KRT7: variants seen among roughly 807,000 people sequenced by gnomAD.
KRT7 encodes keratin, type II cytoskeletal 7.
Under a neutral mutation model 42.8 loss-of-function variants are expected in KRT7, and 50 were observed. The ratio of observed to expected loss-of-function variants is 1.17; its 90% CI spans 0.93 to 1.48. The LOEUF is 1.48. Ranked by LOEUF, KRT7 falls within the 40% of genes most tolerant of loss-of-function variation. KRT7 has a pLI of 0.00. For synonymous variants in KRT7, 268 were observed against 266.3 expected, an observed-to-expected ratio of 1.01 and a Z score of -0.06; for missense variants, 588 against 637.6, an observed-to-expected ratio of 0.92 and a Z score of 0.84.
At chr12:52,250,443 G>A (rs550310466), downstream of KRT7, 26 of 483,632 alleles carry the variant, frequency 5.4e-5, no homozygotes, top group African/African-American at 4.7e-4. Context: ...CTGGTGAGGC[G>A]GCGTCGGTAC....
intron 2 of KRT7, among the ~76,000 whole-genome samples, chr12:52,235,895 A>G (rs1870209): frequency 0.29 from 43,692 of 152,120 alleles, 6,902 homozygotes; most frequent in Non-Finnish European, 0.34. Flanking sequence ...AGAAGCAGAG[A>G]GGGAAAATGG....
chr12:52,237,378 C>A, intron 2 of KRT7, 131 bp from the exon 3 acceptor site: 1 of 603,088 alleles, frequency 1.7e-6, no homozygotes, highest in Non-Finnish European at 2.8e-6. Flanking sequence ...TAGCTGACAC[C>A]TGTTTTTTCA....
In KRT7 at chr12:52,233,316, C is replaced by T; in HGVS notation, c.20C>T (p.Ser7Phe). The T allele has an allele frequency of 1.3e-6, 2 of 1,568,556 alleles. No homozygotes were observed. The highest frequency in any genetic ancestry group is 1.2e-5 in the South Asian group (1 of 85,834). The change falls in exon 1 of 9, where the codon TCC (serine) becomes TTC (phenylalanine). Residue 7 changes from serine (S) to phenylalanine (F), a missense_variant. Transcript: ENST00000331817. ...GCCACCATGTCCATCCACTTCAGCTCCCCGGTATTCACCTCGCGCTCAGCC... is the reference window on the plus strand; with the variant it reads ...GCCACCATGTCCATCCACTTCAGCTTCCCGGTATTCACCTCGCGCTCAGCC... Reference protein sequence around the residue: MSIHFSSPVFTSRSAAF... With the variant: MSIHFSFPVFTSRSAAF...
intron 1 of KRT7, 59 bp downstream of exon 1, chr12:52,233,679 C>G (rs1941959008): frequency 6.4e-7 from 1 of 1,551,342 alleles, no homozygotes; most frequent in African/African-American, 1.4e-5. Context: ...ACCAGCCGCC[C>G]TAACTAGCCC....
At chr12:52,255,628 G>A (rs886714753), downstream of KRT7, among the ~76,000 whole-genome samples, 2 of 152,196 alleles carry the variant, frequency 1.3e-5, no homozygotes, top group East Asian at 1.9e-4. Flanking sequence ...CATTCCTGAT[G>A]TGGGTCAGGG....
intron 2 of KRT7, among the ~76,000 whole-genome samples, chr12:52,236,325 ACGTGTGTGCATG>A (rs976373283): frequency 2.0e-5 from 3 of 151,956 alleles, no homozygotes; most frequent in Non-Finnish European, 4.4e-5. Context: ...GTCAGGACTA[ACGTGTGTGCATG>A]CGTGTGTGCA....
Position 52,233,605 on chromosome 12 carries a change from C to T in KRT7, c.309C>T (p.Ala103=), listed in dbSNP as rs1166210063. 7 of 1,612,678 alleles carry T rather than the reference C, an allele frequency of 4.3e-6. No individual in the cohort carries two copies. The highest frequency in any genetic ancestry group is 2.2e-5 in the East Asian group (1 of 44,852). Residue 103 remains alanine (A), a synonymous_variant, in exon 1 of 9, where the codon GCC becomes GCT. Transcript: ENST00000331817. ...TCAAGACCCTCAACAACAAGTTTGC[C>T]TCCTTCATCGACAAGGTGAGCGGGA... ...EQIKTLNNKF[A]SFIDKVRFLE... is the part of the protein sequence containing the mutation.
chr12:52,235,373 C>A lies in KRT7; in HGVS notation c.536+7C>A. On this transcript the variant is annotated splice_region_variant and intron_variant, in intron 2 of 8. Transcript: ENST00000331817. The stretch of plus-strand genomic sequence containing the variant: ...TGGAGGACTTCAAGAATAAGTAATG[C>A]CCCCTGTGCCACATGCGAAGACCCC... The A allele has an allele frequency of 1.3e-6, 2 of 1,597,810 alleles. No individual in the cohort carries two copies. The highest frequency in any genetic ancestry group is 8.5e-7 in the Non-Finnish European group (1 of 1,170,718).
In KRT7 at chr12:52,244,385, C is replaced by G. The variant is rs1450926427; in HGVS notation, c.985-1027C>G. ...CTCACACAACAGGGCGGATCCAGGC[C>G]TATAGCCAGGTGTCTACCACCACTG... On this transcript the variant is annotated intron_variant, in intron 6 of 8. Transcript: ENST00000331817. The G allele has an allele frequency of 4.1e-6, 4 of 985,552 alleles. No individual in the cohort carries two copies. The East Asian group carries it at 3.4e-4, about 84-fold the overall frequency. 61.1% of individuals were successfully genotyped at this position (985,552 alleles called of 1,614,324 possible).
rs1491485118 is a variant in KRT7 at position 52,234,128 on chromosome 12, G to GA, written c.324+508_324+509insA. Among the ~76,000 whole-genome samples the GA allele has an allele frequency of 4.0e-3, 27 of 6,796 alleles. 2 individuals carry two copies. Among genetic ancestry groups the GA allele is most frequent in the East Asian group, 0.013 (2 of 156 alleles). 4.5% of individuals were successfully genotyped at this position (6,796 alleles called of 152,430 possible). On this transcript the variant is annotated intron_variant, in intron 1 of 8. Coordinates refer to ENST00000331817, the MANE Select transcript of KRT7 (RefSeq NM_005556.4). ...GAGCGGCAGTCGGTGGGGCGGGGGA[G>GA]GGGGGGGGGCTCCCGCCCCTCCCCT...
chr12:52,245,235 C>A, intron 6 of KRT7, 177 bp from the exon 7 acceptor site: 1 of 639,810 alleles, frequency 1.6e-6, no homozygotes, highest in Non-Finnish European at 2.7e-6. Context: ...AGAACTGGAA[C>A]ATAGGCGTTG....
At chr12:52,240,971 G>A (rs1331655323) in intron 4 of KRT7, among the ~76,000 whole-genome samples, 1 of 137,422 alleles carries the variant, frequency 7.3e-6, no homozygotes, top group Non-Finnish European at 1.5e-5. Context: ...TCCCCGCCCT[G>A]TGCCCAAGTG....
downstream of KRT7, chr12:52,250,704 T>G (rs1942252616): frequency 3.9e-6 from 2 of 513,752 alleles, no homozygotes; most frequent in Non-Finnish European, 7.4e-6. Flanking sequence ...TGCTCAGAGC[T>G]TCTCCCCTCT....
At chr12:52,245,183 G>A in intron 6 of KRT7, 1 of 578,500 alleles carries the variant, frequency 1.7e-6, no homozygotes, top group Non-Finnish European at 3.0e-6. Flanking sequence ...GCTTAGCAGG[G>A]TTGATTCATC....
rs73317405 is a variant in KRT7, at chr12:52,237,645, G to A, written c.597+76G>A. On this transcript the variant is annotated intron_variant, in intron 3 of 8. Transcript: ENST00000331817. ...AGGACCACAGGATCCTCTCACCTGA[G>A]CAGCCCATGGGGACCTCTGGCCAAG... 4,672 of 1,300,752 alleles carry A rather than the reference G, an allele frequency of 3.6e-3. 152 individuals are homozygous for A. The African/African-American group carries it at 0.061, about 17-fold the overall frequency. 80.6% of individuals were successfully genotyped at this position (1,300,752 alleles called of 1,614,324 possible). A position where few individuals can be genotyped will look rare whatever the true frequency, so the allele number is the denominator to read the frequency against.
At chr12:52,250,686 G>GC, downstream of KRT7, 1 of 586,482 alleles carries the variant, frequency 1.7e-6, no homozygotes, top group South Asian at 1.6e-5. Flanking sequence ...GCGGCCAGAG[G>GC]CCCCTTCTGC....
At chr12:52,255,469 A>G (rs966450936), downstream of KRT7, 3 of 455,324 alleles carry the variant, frequency 6.6e-6, no homozygotes, top group African/African-American at 6.0e-5. Context: ...GAATGAAGGC[A>G]CAGGCAAACA....
intron 7 of KRT7, chr12:52,247,050 C>T (rs1165442501): frequency 6.6e-6 from 1 of 152,120 alleles, no homozygotes; most frequent in Non-Finnish European, 1.5e-5. Context: ...TTCCCCCAAC[C>T]CTGGGGGGAT....
At chr12:52,250,551 C>CA, downstream of KRT7, 1 of 1,209,794 alleles carries the variant, frequency 8.3e-7, no homozygotes, top group Non-Finnish European at 1.2e-6. Flanking sequence ...GTTCCCGCTG[C>CA]AGGGGGCACT....
Sources: gnomAD v4.1 joint callset for allele counts (sites outside exome capture counted in the v4.1 genomes callset) on GRCh38, gnomAD v4.1.1 for gene constraint, MANE v1.5 for transcripts, NCBI Gene and HGNC (gene_info 2026-07-23, HGNC 2026-07-21) for gene names.